FHIT: variants seen among roughly 807,000 people sequenced by gnomAD.
FHIT encodes the protein fragile histidine triad diadenosine triphosphatase.
A neutral mutation model predicts 17.9 loss-of-function variants in FHIT; 19 were observed. That is an observed-to-expected ratio of 1.06 (90% CI 0.74 to 1.56). The LOEUF is 1.56. Ranked by LOEUF, FHIT falls within the 40% of genes most tolerant of loss-of-function variation. The pLI, the probability that FHIT is intolerant of heterozygous loss-of-function variation, is 0.00. For missense variants in FHIT, 248 were observed against 189.2 expected, an observed-to-expected ratio of 1.31 and a Z score of -1.82; for synonymous variants, 81 against 69.7, an observed-to-expected ratio of 1.16 and a Z score of -0.81.
At chr3:61,193,133 C>T (rs2107216280) in intron 2 of FHIT, among the ~76,000 whole-genome samples, 1 of 152,196 alleles carries the variant, frequency 6.6e-6, no homozygotes, top group East Asian at 1.9e-4. Context: ...GTGTTACATC[C>T]CAGCAGAAAG....
chr3:59,936,272 T>C (rs1706235162), intron 7 of FHIT, among the ~76,000 whole-genome samples: 1 of 152,122 alleles, frequency 6.6e-6, no homozygotes, highest in South Asian at 2.1e-4. Flanking sequence ...GAATATCTAT[T>C]TTTTTATTTA....
rs899654650 is a variant in FHIT at position 59,873,416 on chromosome 3, C to T, written c.348+48930G>A. ...ACTTCTAACAAAACACTTCCCTGCTCATGAGCCTTGAATGGCCAATTAACA... is the reference window on the plus strand; with the variant it reads ...ACTTCTAACAAAACACTTCCCTGCTTATGAGCCTTGAATGGCCAATTAACA... On this transcript the variant is annotated intron_variant, in intron 8 of 9. Transcript: ENST00000492590. Among the ~76,000 whole-genome samples the T allele has an allele frequency of 2.0e-5, 3 of 152,332 alleles. 1 individual carries two copies. In the South Asian group the frequency reaches 6.2e-4, roughly 32 times the overall value.
chr3:60,911,902 G>A (rs1449141240), intron 3 of FHIT, among the ~76,000 whole-genome samples: 4 of 152,102 alleles, frequency 2.6e-5, no homozygotes, highest in African/African-American at 9.7e-5. Context: ...AAGAATAACC[G>A]ATATTTATTC....
intron 5 of FHIT, among the ~76,000 whole-genome samples, chr3:60,378,138 C>T (rs567201968): frequency 2.6e-5 from 4 of 151,860 alleles, no homozygotes; most frequent in South Asian, 2.1e-4. Context: ...GCCATTTTCC[C>T]GCCTCAGCCT....
intron 7 of FHIT, among the ~76,000 whole-genome samples, chr3:59,996,582 G>C (rs765040663): frequency 6.6e-6 from 1 of 152,088 alleles, no homozygotes; most frequent in Non-Finnish European, 1.5e-5. Flanking sequence ...TGACTTAGCT[G>C]CTTTTAATTA....
chr3:60,523,871 T>C (rs987095088), intron 5 of FHIT, among the ~76,000 whole-genome samples: 4 of 152,196 alleles, frequency 2.6e-5, no homozygotes, highest in Non-Finnish European at 5.9e-5. Context: ...TGATGAATAT[T>C]AGTTATGTCT....
At chr3:60,304,332 C>T (rs1708577802) in intron 5 of FHIT, among the ~76,000 whole-genome samples, 1 of 151,978 alleles carries the variant, frequency 6.6e-6, no homozygotes, top group Admixed American at 6.6e-5. Context: ...TTTAGCAGAT[C>T]TCTACCAGGA....
chr3:60,185,921 C>A (rs1171360712), intron 5 of FHIT, among the ~76,000 whole-genome samples: 1 of 152,182 alleles, frequency 6.6e-6, no homozygotes, highest in Non-Finnish European at 1.5e-5. Flanking sequence ...AACATCTTTT[C>A]ATATGTACGT....
rs1359545917 is a variant in FHIT, at chr3:60,173,913, A to ATTTTTTTT, written c.104-159762_104-159761insAAAAAAAA. Reference sequence around the variant, plus strand: ...TATATATATATATATATATATATATATATGTTTTTTTTTTTTTTTGAGATC... The same window carrying ATTTTTTTT: ...TATATATATATATATATATATATATATTTTTTTTTATGTTTTTTTTTTTTTTTGAGATC... On this transcript the variant is annotated intron_variant, in intron 5 of 9. Transcript: ENST00000492590. Among the ~76,000 whole-genome samples, 143 of 68,488 alleles carry ATTTTTTTT rather than the reference A, an allele frequency of 2.1e-3. 3 individuals carry two copies. The highest frequency in any genetic ancestry group is 3.1e-3 in the Non-Finnish European group (112 of 36,378). The allele number at this position is 68,488 out of a possible 152,430, so 44.9% of individuals were successfully genotyped here.
intron 3 of FHIT, among the ~76,000 whole-genome samples, chr3:60,993,417 G>A (rs2030419121): frequency 6.6e-6 from 1 of 152,142 alleles, no homozygotes; most frequent in Non-Finnish European, 1.5e-5. Flanking sequence ...TTCTTCAGTT[G>A]CTTCTTCAGT....
intron 4 of FHIT, among the ~76,000 whole-genome samples, chr3:60,600,955 T>A (rs1324939426): frequency 2.6e-5 from 4 of 152,142 alleles, no homozygotes; most frequent in African/African-American, 9.7e-5. Flanking sequence ...AGACTGGAAT[T>A]GAGCTCCCCT....
chr3:59,996,696 T>G (rs1421797098), intron 7 of FHIT, among the ~76,000 whole-genome samples: 2 of 152,192 alleles, frequency 1.3e-5, no homozygotes, highest in Admixed American at 6.5e-5. Flanking sequence ...CTGGTGGGTA[T>G]TAGACATGAG....
At chr3:60,925,242 C>T (rs1575699239) in intron 3 of FHIT, among the ~76,000 whole-genome samples, 1 of 152,164 alleles carries the variant, frequency 6.6e-6, no homozygotes, top group African/African-American at 2.4e-5. Flanking sequence ...AGAGCAACTC[C>T]AAGACACATA....
intron 2 of FHIT, among the ~76,000 whole-genome samples, chr3:61,124,148 C>T (rs915850574): frequency 3.9e-5 from 6 of 152,080 alleles, no homozygotes; most frequent in Admixed American, 1.3e-4. Flanking sequence ...GGGTTGAGGA[C>T]GGCTATTAGA....
chr3:60,170,356 T>C (rs1701363251), intron 5 of FHIT, among the ~76,000 whole-genome samples: 2 of 152,136 alleles, frequency 1.3e-5, no homozygotes, highest in South Asian at 2.1e-4. Context: ...AATCCAACCA[T>C]GAATGAAGCT....
chr3:60,376,828 G>T (rs946733569), intron 5 of FHIT, among the ~76,000 whole-genome samples: 2 of 152,062 alleles, frequency 1.3e-5, no homozygotes, highest in Admixed American at 1.3e-4. Context: ...TACCATACAC[G>T]ACATAGATAT....
At chr3:60,960,047 G>T (rs1364076513) in intron 3 of FHIT, among the ~76,000 whole-genome samples, 1 of 150,672 alleles carries the variant, frequency 6.6e-6, no homozygotes, top group Non-Finnish European at 1.5e-5. Context: ...ATCTCTGAAT[G>T]ATAAGTTTTG....
Position 60,161,192 on chromosome 3 carries a change from C to T in FHIT, c.104-147040G>A, listed in dbSNP as rs138335801. On this transcript the variant is annotated intron_variant, in intron 5 of 9. Coordinates refer to ENST00000492590, the MANE Select transcript of FHIT (RefSeq NM_002012.4). ...CTGCCCATCATGTTTAATTATCAGG[C>T]TATTAAAAGGTGGCAAATCGGTAGC... Among the ~76,000 whole-genome samples, 592 of 152,282 alleles carry T rather than the reference C, an allele frequency of 3.9e-3. 4 individuals carry two copies. The highest frequency in any genetic ancestry group is 0.014 in the African/African-American group (568 of 41,562).
At chr3:59,781,130 T>C (rs1702564235) in intron 8 of FHIT, among the ~76,000 whole-genome samples, 1 of 152,146 alleles carries the variant, frequency 6.6e-6, no homozygotes, top group South Asian at 2.1e-4. Flanking sequence ...CTTGAAGGCA[T>C]TGGTGGGCTG....
Sources: allele counts gnomAD v4.1 joint callset (sites outside exome capture counted in the v4.1 genomes callset), GRCh38; gene constraint gnomAD v4.1.1; transcripts MANE v1.5; gene names NCBI Gene and HGNC (gene_info 2026-07-23, HGNC 2026-07-21).